The following CREM variants were observed in gnomAD, a reference collection of about 807,000 sequenced individuals.
CREM encodes cAMP-responsive element modulator.
CREM carries 13 observed loss-of-function variants against 37.3 expected under a neutral mutation model. The observed-to-expected ratio is 0.35, with a 90% CI of 0.23 to 0.55. The LOEUF is 0.55. Ranked by LOEUF, CREM falls within the 20% of genes least tolerant of loss-of-function variation. CREM has a pLI of 0.88. For synonymous variants in CREM, 124 were observed against 120.2 expected (o/e 1.03, Z -0.21); for missense variants, 296 against 362.3 (o/e 0.82, Z 1.49).
chr10:35,181,590 A>C (rs567177728), intron 5 of CREM, among the ~76,000 whole-genome samples: 4 of 152,236 alleles, frequency 2.6e-5, no homozygotes, highest in East Asian at 3.9e-4. Flanking sequence ...ATTAGATCTT[A>C]GGCCAGGTGT....
At chr10:35,200,935 C>G (rs1336591301) in intron 6 of CREM, among the ~76,000 whole-genome samples, 1 of 152,044 alleles carries the variant, frequency 6.6e-6, no homozygotes, top group African/African-American at 2.4e-5. Context: ...TTGGAAGTTA[C>G]CAACATAGGT....
chr10:35,210,721 T>G (rs1001371383), intron 7 of CREM: 5 of 152,282 alleles, frequency 3.3e-5, no homozygotes, highest in African/African-American at 1.2e-4. Flanking sequence ...ATGTGTGTTT[T>G]CTAGCCAATA....
intron 3 of CREM, among the ~76,000 whole-genome samples, chr10:35,149,530 AAGTC>A (rs2092419839): frequency 1.3e-5 from 2 of 152,140 alleles, no homozygotes; most frequent in Non-Finnish European, 2.9e-5. Flanking sequence ...GTGGAATTGA[AAGTC>A]AGTGAGTCGG....
chr10:35,177,623 A>T (rs1197381453), intron 3 of CREM, among the ~76,000 whole-genome samples: 4 of 152,206 alleles, frequency 2.6e-5, no homozygotes, highest in African/African-American at 9.7e-5. Context: ...TGTTATATTC[A>T]GTAGACTTTG....
At chr10:35,129,974 A>G (rs991830195) in intron 1 of CREM, among the ~76,000 whole-genome samples, 1 of 152,134 alleles carries the variant, frequency 6.6e-6, no homozygotes, top group Non-Finnish European at 1.5e-5. Context: ...AGGCAGGCGG[A>G]TCGCCTGAGG....
At chr10:35,137,945 A>C (rs2090827813) in intron 2 of CREM, 66 bp downstream of exon 2, 1 of 1,264,860 alleles carries the variant, frequency 7.9e-7, no homozygotes. Flanking sequence ...ATGATGAATA[A>C]ATTGATATAT....
intron 6 of CREM, among the ~76,000 whole-genome samples, chr10:35,200,368 T>C (rs2095348288): frequency 6.6e-6 from 1 of 152,252 alleles, no homozygotes; most frequent in Non-Finnish European, 1.5e-5. Flanking sequence ...TTAGCTGGAT[T>C]GTAATAATTT....
Position 35,180,157 on chromosome 10 carries a change from G to C in CREM, c.409+881G>C, listed in dbSNP as rs191815211. On this transcript the variant is annotated intron_variant, in intron 5 of 7. Transcript: ENST00000685392. ...GCTACCCTAGGTCCTCAAAGTAATT[G>C]AACAAATATATTGACAGCAGTCATG... 1.1e-4 allele frequency among the ~76,000 whole-genome samples: 17 copies of C among 152,184 alleles called. No homozygotes were observed. The East Asian group carries it at 3.3e-3, about 29-fold the overall frequency.
At chr10:35,183,730 T>TA (rs2094445558) in intron 5 of CREM, among the ~76,000 whole-genome samples, 1 of 152,236 alleles carries the variant, frequency 6.6e-6, no homozygotes, top group African/African-American at 2.4e-5. Flanking sequence ...TATAAACATT[T>TA]ACATGTGTAT....
intron 3 of CREM, 100 bp downstream of exon 3, chr10:35,148,591 C>T: frequency 1.6e-6 from 2 of 1,287,950 alleles, no homozygotes. Flanking sequence ...TTTCCATGTT[C>T]CCTGGTTATC....
chr10:35,205,831 G>A (rs1007351529), intron 6 of CREM, among the ~76,000 whole-genome samples: 6 of 152,144 alleles, frequency 3.9e-5, no homozygotes, highest in African/African-American at 1.2e-4. Context: ...CGTGGTGCAC[G>A]CCTGTAATCC....
intron 2 of CREM, among the ~76,000 whole-genome samples, chr10:35,146,498 A>C (rs934699543): frequency 2.0e-5 from 3 of 152,248 alleles, no homozygotes; most frequent in African/African-American, 7.2e-5. Context: ...TAGAACCTGC[A>C]GAACTAATGT....
intron 3 of CREM, among the ~76,000 whole-genome samples, chr10:35,157,427 T>TAA (rs896379505): frequency 1.3e-5 from 2 of 151,984 alleles, no homozygotes; most frequent in Non-Finnish European, 2.9e-5. Context: ...GCCCAAGAGT[T>TAA]AAGAGACCAG....
At chr10:35,155,199 G>T (rs1293157951) in intron 3 of CREM, among the ~76,000 whole-genome samples, 6 of 152,164 alleles carry the variant, frequency 3.9e-5, no homozygotes, top group Non-Finnish European at 8.8e-5. Flanking sequence ...TAATGATTAT[G>T]AGGTTTGGAT....
At chr10:35,184,883 T>C (rs1290986255) in intron 5 of CREM, among the ~76,000 whole-genome samples, 6 of 152,230 alleles carry the variant, frequency 3.9e-5, no homozygotes, top group Admixed American at 3.9e-4. Flanking sequence ...TCACCTCAGA[T>C]TGACTTGATC....
intron 4 of CREM, 55 bp from the exon 5 acceptor site, chr10:35,179,079 G>A: frequency 6.5e-7 from 1 of 1,550,056 alleles, no homozygotes. Flanking sequence ...TAGCTTTTCT[G>A]TTTTAAGACT....
At chr10:35,163,641 T>TA (rs1235288563) in intron 3 of CREM, among the ~76,000 whole-genome samples, 1 of 151,868 alleles carries the variant, frequency 6.6e-6, no homozygotes, top group Non-Finnish European at 1.5e-5. Flanking sequence ...AACAACATGG[T>TA]AAAACCTTGT....
At chr10:35,132,201 C>CAAAAAAAAAAAAAAAAAAAAAAAAAAAA (rs374078423) in intron 1 of CREM, among the ~76,000 whole-genome samples, 1 of 49,208 alleles carries the variant, frequency 2.0e-5, no homozygotes. Context: ...ACTTGAGTCT[C>CAAAAAAAAAAAAAAAAAAAAAAAAAAAA]AAAAAAAAAA....
intron 2 of CREM, among the ~76,000 whole-genome samples, chr10:35,142,294 G>A (rs1266757087): frequency 1.3e-5 from 2 of 152,156 alleles, no homozygotes; most frequent in Non-Finnish European, 2.9e-5. Flanking sequence ...ATAATTGATA[G>A]TATAATCCCC....
Sources: gnomAD v4.1 joint callset for allele counts (sites outside exome capture counted in the v4.1 genomes callset) on GRCh38, gnomAD v4.1.1 for gene constraint, MANE v1.5 for transcripts, NCBI Gene and HGNC (gene_info 2026-07-23, HGNC 2026-07-21) for gene names.